DHRS7B: variants seen among roughly 807,000 people sequenced by gnomAD.
DHRS7B encodes the protein peroxisomal reductase activating PPAR-gamma.
DHRS7B carries 24 observed loss-of-function variants against 26.4 expected under a neutral mutation model. The ratio of observed to expected loss-of-function variants is 0.91; its 90% CI spans 0.66 to 1.28. DHRS7B has a LOEUF of 1.28. Ranked by LOEUF, DHRS7B falls within the 50% of genes most tolerant of loss-of-function variation. The pLI, the probability that DHRS7B is intolerant of heterozygous loss-of-function variation, is 0.00. For missense variants in DHRS7B, 368 were observed against 419.4 expected (o/e 0.88, Z 1.07); for synonymous variants, 142 against 166.4 (o/e 0.85, Z 1.13).
rs140294890 is a variant in DHRS7B at position 21,155,411 on chromosome 17, C to T, written c.21-16607C>T. On this transcript the variant is annotated intron_variant, in intron 1 of 6. Transcript: ENST00000395511. ...GGGTTAAAGAGCATTACATTATGAC[C>T]GCAGATCAATCCTCCAATAAGACAA... is the stretch of plus-strand genomic sequence containing the variant. Among the ~76,000 whole-genome samples the T allele has an allele frequency of 8.7e-4, 132 of 152,158 alleles. 2 individuals carry two copies. Among genetic ancestry groups the T allele is most frequent in the Non-Finnish European group, 5.4e-4 (37 of 67,988 alleles).
chr17:21,132,548 AAC>A lies in DHRS7B; in HGVS notation c.20+5559_20+5560del, dbSNP rs1491490816. Among the ~76,000 whole-genome samples the A allele has an allele frequency of 4.8e-4, 67 of 140,170 alleles. 2 individuals carry two copies. Among genetic ancestry groups the A allele is most frequent in the Middle Eastern group, 3.5e-3 (1 of 288 alleles). 92.0% of individuals were successfully genotyped at this position (140,170 alleles called of 152,430 possible). ...CTTGTCTCAAAAAAAAAAAAAAAAAAACAAAAAAAAAACAGGGAAGTGAGGTG... is the reference window on the plus strand; with the variant it reads ...CTTGTCTCAAAAAAAAAAAAAAAAAAAAAAAAAAAACAGGGAAGTGAGGTG... On this transcript the variant is annotated intron_variant, in intron 1 of 6. Transcript: ENST00000395511.
intron 1 of DHRS7B, among the ~76,000 whole-genome samples, chr17:21,160,294 T>A (rs1223044433): frequency 6.6e-6 from 1 of 151,992 alleles, no homozygotes; most frequent in Admixed American, 6.6e-5. Context: ...GAGGCGGAGG[T>A]TGCAGTGATC....
intron 1 of DHRS7B, among the ~76,000 whole-genome samples, chr17:21,145,303 G>A (rs537813613): frequency 6.6e-6 from 1 of 151,882 alleles, no homozygotes; most frequent in Non-Finnish European, 1.5e-5. Flanking sequence ...CAGCCTGGGC[G>A]ACAGAGCGAG....
At chr17:21,145,864 T>C (rs1449797546) in intron 1 of DHRS7B, among the ~76,000 whole-genome samples, 1 of 152,228 alleles carries the variant, frequency 6.6e-6, no homozygotes, top group Non-Finnish European at 1.5e-5. Context: ...GTGTATTAAA[T>C]GTATTTTTAT....
chr17:21,150,307 C>A (rs1288319561), intron 1 of DHRS7B, among the ~76,000 whole-genome samples: 1 of 151,668 alleles, frequency 6.6e-6, no homozygotes, highest in African/African-American at 2.4e-5. Context: ...TGACCAAAGA[C>A]ATGCAACAAA....
At chr17:21,171,063 G>C (rs1034475546) in intron 1 of DHRS7B, among the ~76,000 whole-genome samples, 2 of 152,012 alleles carry the variant, frequency 1.3e-5, no homozygotes, top group African/African-American at 4.8e-5. Flanking sequence ...GGGGCCTTTT[G>C]TCTCATAGAC....
At chr17:21,158,221 T>A (rs1417976369) in intron 1 of DHRS7B, among the ~76,000 whole-genome samples, 1 of 152,118 alleles carries the variant, frequency 6.6e-6, no homozygotes, top group Non-Finnish European at 1.5e-5. Context: ...TTAAAAAAAA[T>A]TTTTCCCACC....
rs749756931 is a variant in DHRS7B at position 21,172,121 on chromosome 17, C to T, written c.124C>T (p.Gln42Ter). 6.2e-7 allele frequency: 1 copy of T among 1,614,148 alleles called. No individual in the cohort carries two copies. Among genetic ancestry groups the T allele is most frequent in the Admixed American group, 1.7e-5 (1 of 60,012 alleles). Residue 42 changes from glutamine (Q) to a stop codon, truncating the protein, a stop_gained, in exon 2 of 7, where the codon CAG becomes TAG. Transcript: ENST00000395511. LOFTEE classifies it high-confidence loss of function. ...LGVFGLFRLLQWVRGKAYLRN... is the reference protein window; with the variant it reads ...LGVFGLFRLL Reference sequence around the variant, plus strand: ...CGTCTTCGGCCTCTTCCGGCTGCTGCAGTGGGTGCGCGGGAAGGCCTACCT... The same window carrying T: ...CGTCTTCGGCCTCTTCCGGCTGCTGTAGTGGGTGCGCGGGAAGGCCTACCT...
intron 1 of DHRS7B, among the ~76,000 whole-genome samples, chr17:21,167,622 ACTCT>A (rs919935722): frequency 2.0e-5 from 3 of 150,670 alleles, no homozygotes; most frequent in Non-Finnish European, 3.0e-5. Context: ...TTCTGGCTTC[ACTCT>A]CTCTCCCCAT....
chr17:21,160,973 C>A (rs1973987369), intron 1 of DHRS7B, among the ~76,000 whole-genome samples: 1 of 152,070 alleles, frequency 6.6e-6, no homozygotes, highest in South Asian at 2.1e-4. Flanking sequence ...AGGCTATGTA[C>A]CATATGTTTC....
chr17:21,135,556 A>G (rs1973322691), intron 1 of DHRS7B, among the ~76,000 whole-genome samples: 1 of 152,236 alleles, frequency 6.6e-6, no homozygotes, highest in African/African-American at 2.4e-5. Flanking sequence ...TTATTTGTTG[A>G]GAGAGAAGAA....
At chr17:21,143,274 G>C (rs1015466974) in intron 1 of DHRS7B, among the ~76,000 whole-genome samples, 1 of 152,150 alleles carries the variant, frequency 6.6e-6, no homozygotes, top group Non-Finnish European at 1.5e-5. Flanking sequence ...TGTTGGCCAA[G>C]CTGGTCTTGA....
chr17:21,183,701 T>C lies in DHRS7B; in HGVS notation c.417T>C (p.Leu139=). The C allele has an allele frequency of 6.2e-7, 1 of 1,614,208 alleles. No homozygotes were observed. The highest frequency in any genetic ancestry group is 1.7e-4 in the Middle Eastern group (1 of 6,060). The change falls in exon 4 of 7, where the codon CTT becomes CTC. Residue 139 remains leucine (L), a synonymous_variant. Transcript: ENST00000395511. ...AGTGCTTTGGCTATGTCGACATACT[T>C]GTCAACAATGCTGGGATCAGCTACC... is the stretch of plus-strand genomic sequence containing the variant. The part of the protein sequence containing the change: ...ILQCFGYVDI[L]VNNAGISYRG...
chr17:21,150,217 TCTC>T (rs1973739876), intron 1 of DHRS7B, among the ~76,000 whole-genome samples: 6 of 149,730 alleles, frequency 4.0e-5, no homozygotes, highest in African/African-American at 1.2e-4. Flanking sequence ...GGCTGGTAAA[TCTC>T]CTAGAAAACC....
At chr17:21,190,468 G>A (rs1440055404) in intron 6 of DHRS7B, among the ~76,000 whole-genome samples, 1 of 151,952 alleles carries the variant, frequency 6.6e-6, no homozygotes, top group Non-Finnish European at 1.5e-5. Context: ...ACCCACCTCT[G>A]TCTGGCCATC....
At chr17:21,149,122 C>T (rs1355700525) in intron 1 of DHRS7B, among the ~76,000 whole-genome samples, 1 of 151,614 alleles carries the variant, frequency 6.6e-6, no homozygotes, top group African/African-American at 2.4e-5. Flanking sequence ...ACAGACTTCT[C>T]AATGAAGAAG....
chr17:21,140,706 C>T (rs180779582), intron 1 of DHRS7B, among the ~76,000 whole-genome samples: 6 of 152,118 alleles, frequency 3.9e-5, no homozygotes, highest in African/African-American at 1.4e-4. Context: ...AAAAAGAGTA[C>T]TTAGGAACTC....
rs1463378975 is a variant in DHRS7B, at chr17:21,184,404, G to C, written c.560G>C (p.Gly187Ala). The C allele has an allele frequency of 1.9e-6, 3 of 1,614,090 alleles. No homozygotes were observed. The highest frequency in any genetic ancestry group is 4.5e-5 in the East Asian group (2 of 44,896). Residue 187 changes from glycine to alanine, a missense_variant, in exon 5 of 7, where the codon GGC becomes GCC. By Grantham distance (60) the Gly-to-Ala change is moderately conservative (BLOSUM62 0). Coordinates refer to ENST00000395511, the MANE Select transcript of DHRS7B (RefSeq NM_015510.5). ...LLPSMIKRRQ[G>A]HIVAISSIQG... ...CCCTCCATGATCAAGAGGAGGCAAG[G>C]CCACATTGTCGCCATCAGCAGCATC... is the stretch of plus-strand genomic sequence containing the variant.
intron 5 of DHRS7B, among the ~76,000 whole-genome samples, chr17:21,185,855 CTT>C (rs10577300): frequency 0.37 from 55,538 of 151,778 alleles, 12,182 homozygotes; most frequent in Non-Finnish European, 0.49. Context: ...ACCTGGCTAA[CTT>C]TTGTATTTTT....
Sources: gnomAD v4.1 joint callset for allele counts (sites outside exome capture counted in the v4.1 genomes callset) on GRCh38, gnomAD v4.1.1 for gene constraint, MANE v1.5 for transcripts, NCBI Gene and HGNC (gene_info 2026-07-23, HGNC 2026-07-21) for gene names.